The following MYRIP variants were observed in gnomAD, a reference collection of about 807,000 sequenced individuals.
MYRIP encodes myosin VIIA and Rab interacting protein, also known as rab effector MyRIP.
In MYRIP, 49 loss-of-function variants were observed where a neutral mutation model predicts 98.0. The ratio of observed to expected loss-of-function variants is 0.50; its 90% CI spans 0.40 to 0.63. The LOEUF is 0.63. Ranked by LOEUF, MYRIP falls within the 30% of genes least tolerant of loss-of-function variation. MYRIP has a pLI of 0.00. For synonymous variants in MYRIP, 404 were observed against 409.5 expected, an observed-to-expected ratio of 0.99 and a Z score of 0.16; for missense variants, 1,004 against 1,058.2, an observed-to-expected ratio of 0.95 and a Z score of 0.71.
chr3:40,019,227 G>T (rs989356259), intron 2 of MYRIP, among the ~76,000 whole-genome samples: 4 of 152,038 alleles, frequency 2.6e-5, no homozygotes, highest in Non-Finnish European at 5.9e-5. Context: ...GGTGTGCAAG[G>T]CCCCTTAGGA....
At chr3:40,081,957 A>G (rs1361201381) in intron 3 of MYRIP, among the ~76,000 whole-genome samples, 4 of 152,196 alleles carry the variant, frequency 2.6e-5, no homozygotes, top group African/African-American at 9.7e-5. Flanking sequence ...TTCACTTAGC[A>G]TGATGTCCTC....
At chr3:39,853,696 C>T (rs1288582482) in intron 1 of MYRIP, among the ~76,000 whole-genome samples, 2 of 152,072 alleles carry the variant, frequency 1.3e-5, no homozygotes, top group Non-Finnish European at 2.9e-5. Context: ...TTCTCCCATT[C>T]TGTGGGTTCT....
intron 2 of MYRIP, among the ~76,000 whole-genome samples, chr3:39,935,323 G>T (rs181040847): frequency 6.6e-6 from 1 of 152,186 alleles, no homozygotes; most frequent in Non-Finnish European, 1.5e-5. Context: ...CACAAGGCAG[G>T]CAGGGGTTCT....
intron 11 of MYRIP, among the ~76,000 whole-genome samples, chr3:40,215,410 C>A (rs1952086740): frequency 6.6e-6 from 1 of 152,054 alleles, no homozygotes; most frequent in Non-Finnish European, 1.5e-5. Flanking sequence ...TGAGACTTCT[C>A]TAAACTAATA....
intron 2 of MYRIP, among the ~76,000 whole-genome samples, chr3:40,026,793 T>C (rs920005774): frequency 6.6e-6 from 1 of 152,158 alleles, no homozygotes; most frequent in African/African-American, 2.4e-5. Context: ...TATATCACTG[T>C]CCTCACAGCA....
At chr3:39,892,133 A>T (rs560228624) in intron 1 of MYRIP, among the ~76,000 whole-genome samples, 1 of 152,250 alleles carries the variant, frequency 6.6e-6, no homozygotes, top group Admixed American at 6.5e-5. Flanking sequence ...TCTGCTTTAC[A>T]TGTGAAGAGA....
intron 12 of MYRIP, among the ~76,000 whole-genome samples, chr3:40,238,318 G>C (rs1040090004): frequency 6.6e-6 from 1 of 152,212 alleles, no homozygotes; most frequent in African/African-American, 2.4e-5. Flanking sequence ...GCCTTGCTCT[G>C]CTGCTCCCGG....
chr3:39,877,650 A>G (rs1333317399), intron 1 of MYRIP, among the ~76,000 whole-genome samples: 3 of 152,180 alleles, frequency 2.0e-5, no homozygotes, highest in Non-Finnish European at 4.4e-5. Flanking sequence ...GTGGCTGCAG[A>G]ACAGCGGATT....
Position 40,121,908 on chromosome 3 carries a change from G to A in MYRIP, c.333-29140G>A, listed in dbSNP as rs541311973. On this transcript the variant is annotated intron_variant, in intron 3 of 16. Coordinates refer to ENST00000302541, the MANE Select transcript of MYRIP (RefSeq NM_015460.4). ...GAAATACATGTCCCCAATAGTATAT[G>A]TTTGTATGTATTTTTAAGGGTTAAT... 2.6e-5 allele frequency among the ~76,000 whole-genome samples: 4 copies of A among 152,086 alleles called. No homozygotes were observed. In the South Asian group the frequency reaches 8.3e-4, roughly 32 times the overall value.
chr3:40,055,795 T>C (rs1947873867), intron 3 of MYRIP, among the ~76,000 whole-genome samples: 1 of 152,180 alleles, frequency 6.6e-6, no homozygotes, highest in South Asian at 2.1e-4. Context: ...TCCTCTACTC[T>C]GGCCAGTCTT....
At chr3:39,994,188 G>A (rs1008679706) in intron 2 of MYRIP, among the ~76,000 whole-genome samples, 1 of 152,186 alleles carries the variant, frequency 6.6e-6, no homozygotes, top group Non-Finnish European at 1.5e-5. Context: ...TCGGACAGTG[G>A]GTGCAGGACA....
chr3:39,892,333 C>A (rs1471897721), intron 1 of MYRIP, among the ~76,000 whole-genome samples: 1 of 152,070 alleles, frequency 6.6e-6, no homozygotes, highest in Non-Finnish European at 1.5e-5. Flanking sequence ...TGAAGGCTGA[C>A]TTCCTGTGTG....
intron 3 of MYRIP, among the ~76,000 whole-genome samples, chr3:40,082,116 G>A (rs1671852366): frequency 1.3e-5 from 2 of 152,284 alleles, no homozygotes; most frequent in African/African-American, 2.4e-5. Context: ...CAAGGATGTG[G>A]AGGAAAGAGA....
intron 1 of MYRIP, among the ~76,000 whole-genome samples, chr3:39,822,027 TATTA>T (rs1480695995): frequency 6.6e-6 from 1 of 152,224 alleles, no homozygotes; most frequent in East Asian, 1.9e-4. Context: ...AAAGCCAATT[TATTA>T]ATTTCATCTT....
chr3:40,218,628 A>T (rs1447201205), intron 11 of MYRIP, among the ~76,000 whole-genome samples: 2,449 of 19,098 alleles, frequency 0.13, 111 homozygotes, highest in Non-Finnish European at 0.16. Context: ...ATATATATAT[A>T]TATATATATA....
intron 2 of MYRIP, among the ~76,000 whole-genome samples, chr3:39,983,565 C>A (rs577884751): frequency 9.2e-5 from 14 of 152,220 alleles, no homozygotes; most frequent in Admixed American, 5.9e-4. Context: ...ATTTATTCAA[C>A]AAATAGCCTG....
intron 2 of MYRIP, among the ~76,000 whole-genome samples, chr3:39,924,558 A>C (rs570936394): frequency 6.6e-6 from 1 of 152,132 alleles, no homozygotes; most frequent in Non-Finnish European, 1.5e-5. Context: ...AACCTCTCCC[A>C]ACAACCGATA....
At chr3:40,162,042 C>G (rs1030894883) in intron 4 of MYRIP, among the ~76,000 whole-genome samples, 3 of 152,136 alleles carry the variant, frequency 2.0e-5, no homozygotes, top group African/African-American at 7.2e-5. Context: ...CAGGACTGGT[C>G]TCTGTGCAAG....
chr3:39,947,272 CTT>C (rs1944923982), intron 2 of MYRIP, among the ~76,000 whole-genome samples: 1 of 151,474 alleles, frequency 6.6e-6, no homozygotes, highest in Admixed American at 6.6e-5. Flanking sequence ...TAAAAGAAAA[CTT>C]GGGGTAATAA....
Sources: gnomAD v4.1 joint callset for allele counts (sites outside exome capture counted in the v4.1 genomes callset) on GRCh38, gnomAD v4.1.1 for gene constraint, MANE v1.5 for transcripts, NCBI Gene and HGNC (gene_info 2026-07-23, HGNC 2026-07-21) for gene names.